The following RAB3D variants were observed in gnomAD, a reference collection of about 807,000 sequenced individuals.
RAB3D encodes ras-related protein Rab-3D.
A neutral mutation model predicts 19.3 loss-of-function variants in RAB3D; 17 were observed. The observed-to-expected ratio is 0.88, with a 90% CI of 0.60 to 1.32. The LOEUF is 1.32. Ranked by LOEUF, RAB3D falls within the 40% of genes most tolerant of loss-of-function variation. The pLI is 0.00. For missense variants in RAB3D, 223 were observed against 299.1 expected (o/e 0.75, Z 1.88); for synonymous variants, 103 against 119.9 (o/e 0.86, Z 0.92).
rs1341149249 is a variant in RAB3D, at chr19:11,322,394, C to T, written c.*3004G>A. 6.6e-6 allele frequency: 1 copy of T among 151,424 alleles called. No homozygotes were observed. Among genetic ancestry groups the T allele is most frequent in the Non-Finnish European group, 1.5e-5 (1 of 67,912 alleles). The allele number at this position is 151,424 out of a possible 1,614,324, so 9.4% of individuals were successfully genotyped here. On this transcript the variant is annotated 3_prime_UTR_variant, in exon 5 of 5. Coordinates refer to ENST00000222120, the MANE Select transcript of RAB3D (RefSeq NM_004283.4). ...GAACTCCAAACCCCTGTGGTCATGG[C>T]AATTTCCCATCAAAACTGCCCATGT...
rs892550590 is a variant in RAB3D, at chr19:11,322,259, T to C, written c.*3139A>G. 6.6e-6 allele frequency: 1 copy of C among 151,982 alleles called. No homozygotes were observed. The highest frequency in any genetic ancestry group is 1.5e-5 in the Non-Finnish European group (1 of 68,006). The allele number at this position is 151,982 out of a possible 1,614,324, so 9.4% of individuals were successfully genotyped here. ...TTATCCCGTTAACACTGAGACCACA[T>C]TTCACCTGTTACTTATTTTTCTAAA... On this transcript the variant is annotated 3_prime_UTR_variant, in exon 5 of 5. Transcript: ENST00000222120.
At chr19:11,325,678 C>T in intron 4 of RAB3D, 93 bp from the exon 5 acceptor site, 1 of 1,241,804 alleles carries the variant, frequency 8.1e-7, no homozygotes, top group Non-Finnish European at 1.1e-6. Flanking sequence ...AAGCCTAGTT[C>T]TGCTCTTTAT....
intron 4 of RAB3D, among the ~76,000 whole-genome samples, chr19:11,329,285 A>G (rs2080827585): frequency 6.6e-6 from 1 of 151,972 alleles, no homozygotes; most frequent in Non-Finnish European, 1.5e-5. Flanking sequence ...GTGTGTGCAC[A>G]TGTATGTGTG....
In RAB3D at chr19:11,337,210, C is replaced by G; in HGVS notation, c.190G>C (p.Val64Leu). ...TTGATCCTCTTGTCATGGCGGTAGA[C>G]GGTCTTGACCTTGAAATCGATGCCC... The part of the protein sequence containing the change: ...TVGIDFKVKT[V>L]YRHDKRIKLQ... The change falls in exon 2 of 5, where the codon GTC (valine) becomes CTC (leucine). Residue 64 changes from valine to leucine, a missense_variant. Val to Leu is a conservative substitution (Grantham distance 32). Transcript: ENST00000222120. 6.2e-7 allele frequency: 1 copy of G among 1,613,934 alleles called. No individual in the cohort carries two copies. Among genetic ancestry groups the G allele is most frequent in the Non-Finnish European group, 8.5e-7 (1 of 1,179,974 alleles).
At chr19:11,326,875 G>A in intron 4 of RAB3D, 1 of 608,750 alleles carries the variant, frequency 1.6e-6, no homozygotes, top group Non-Finnish European at 2.9e-6. Context: ...CTCCCAAAGT[G>A]CTGGGTTTAC....
intron 4 of RAB3D, among the ~76,000 whole-genome samples, chr19:11,329,698 G>A (rs2080829216): frequency 6.6e-6 from 1 of 151,916 alleles, no homozygotes; most frequent in Non-Finnish European, 1.5e-5. Context: ...TTGTGTGTGT[G>A]TGAGATACAG....
rs1369629519 is a variant in RAB3D, at chr19:11,323,297, A to T, written c.*2101T>A. Reference sequence around the variant, plus strand: ...CACCTCAGTCATCTAATTTGTTGGTATAAAAGATACCCTCGGCTGGGCGTG... The same window carrying T: ...CACCTCAGTCATCTAATTTGTTGGTTTAAAAGATACCCTCGGCTGGGCGTG... On this transcript the variant is annotated 3_prime_UTR_variant, in exon 5 of 5. Transcript: ENST00000222120. The T allele has an allele frequency of 6.6e-6, 1 of 152,192 alleles. No individual in the cohort carries two copies. The highest frequency in any genetic ancestry group is 1.5e-5 in the Non-Finnish European group (1 of 68,038). 9.4% of individuals were successfully genotyped at this position (152,192 alleles called of 1,614,324 possible).
At chr19:11,329,735 G>A (rs1388881687) in intron 4 of RAB3D, among the ~76,000 whole-genome samples, 1 of 151,802 alleles carries the variant, frequency 6.6e-6, no homozygotes, top group Non-Finnish European at 1.5e-5. Flanking sequence ...AGGCTGGAAC[G>A]CAATGGCGCG....
chr19:11,327,070 C>T (rs572713715), intron 4 of RAB3D: 5 of 442,912 alleles, frequency 1.1e-5, no homozygotes, highest in South Asian at 1.0e-4. Context: ...CTTCTCTGTG[C>T]GTCATGCTGA....
intron 1 of RAB3D, among the ~76,000 whole-genome samples, chr19:11,339,216 C>A (rs1326342252): frequency 6.6e-6 from 1 of 152,224 alleles, no homozygotes; most frequent in Non-Finnish European, 1.5e-5. Flanking sequence ...CAAGCCTGGC[C>A]CCGGAGGGCT....
intron 3 of RAB3D, 44 bp from the exon 4 acceptor site, chr19:11,335,615 G>A (rs755136378): frequency 6.2e-7 from 1 of 1,613,850 alleles, no homozygotes; most frequent in South Asian, 1.1e-5. Context: ...GGGGGTTAGG[G>A]GTCAGAGGAG....
At chr19:11,325,767 C>T (rs1467785564) in intron 4 of RAB3D, among the ~76,000 whole-genome samples, 182 bp from the exon 5 acceptor site, 1 of 152,142 alleles carries the variant, frequency 6.6e-6, no homozygotes, top group Non-Finnish European at 1.5e-5. Flanking sequence ...AATGATGATC[C>T]TACCAATGAT....
chr19:11,326,335 C>A (rs2080812783), intron 4 of RAB3D, among the ~76,000 whole-genome samples: 1 of 152,086 alleles, frequency 6.6e-6, no homozygotes, highest in Non-Finnish European at 1.5e-5. Context: ...GAGCCATGAT[C>A]ACACCACTGC....
At chr19:11,326,550 C>A (rs544864637) in intron 4 of RAB3D, among the ~76,000 whole-genome samples, 6 of 152,326 alleles carry the variant, frequency 3.9e-5, no homozygotes, top group African/African-American at 1.4e-4. Flanking sequence ...CAGCTTCCAC[C>A]CAATTTCTGC....
At chr19:11,339,189 A>G (rs1966927100) in intron 1 of RAB3D, among the ~76,000 whole-genome samples, 1 of 151,544 alleles carries the variant, frequency 6.6e-6, no homozygotes. Context: ...CTTTCTAACC[A>G]TCTGCCGACC....
chr19:11,325,904 T>G (rs1371430699), intron 4 of RAB3D, among the ~76,000 whole-genome samples: 1 of 151,964 alleles, frequency 6.6e-6, no homozygotes, highest in African/African-American at 2.4e-5. Context: ...CAAGGCCCTA[T>G]CTCTACAATA....
intron 2 of RAB3D, 45 bp from the exon 3 acceptor site, chr19:11,335,828 C>T: frequency 6.4e-7 from 1 of 1,557,008 alleles, no homozygotes. Context: ...ACCTGTTTCC[C>T]AGTCCACCCC....
rs910142067 is a variant in RAB3D at position 11,335,316 on chromosome 19, G to A, written c.472+131C>T. The A allele has an allele frequency of 2.3e-6, 3 of 1,300,326 alleles. No homozygotes were observed. The African/African-American group carries it at 4.4e-5, about 19-fold the overall frequency. The allele number at this position is 1,300,326 out of a possible 1,614,324, so 80.5% of individuals were successfully genotyped here. A position where few individuals can be genotyped will look rare whatever the true frequency, so the allele number is the denominator to read the frequency against. On this transcript the variant is annotated intron_variant, in intron 4 of 4. Transcript: ENST00000222120. ...TCCCCTGCAATTAGACGGGACATGTGGCATACACATGGGTATCTTCCTGGG... is the reference window on the plus strand; with the variant it reads ...TCCCCTGCAATTAGACGGGACATGTAGCATACACATGGGTATCTTCCTGGG...
At chr19:11,338,178 T>C (rs908116078) in intron 1 of RAB3D, among the ~76,000 whole-genome samples, 2 of 152,210 alleles carry the variant, frequency 1.3e-5, no homozygotes, top group Non-Finnish European at 2.9e-5. Context: ...TGCTGTTTAA[T>C]CTTCACACCC....
Sources: gnomAD v4.1 joint callset for allele counts (sites outside exome capture counted in the v4.1 genomes callset) on GRCh38, gnomAD v4.1.1 for gene constraint, MANE v1.5 for transcripts, NCBI Gene and HGNC (gene_info 2026-07-23, HGNC 2026-07-21) for gene names.